Variants in SMIM13 observed in about 807,000 individuals in gnomAD.
SMIM13 encodes UPF0766 protein C6orf228.
A neutral mutation model predicts 5.9 loss-of-function variants in SMIM13; 3 were observed. The observed-to-expected ratio is 0.51, with a 90% CI of 0.23 to 1.31. SMIM13 has a LOEUF of 1.31. Ranked by LOEUF, SMIM13 falls within the 40% of genes most tolerant of loss-of-function variation. The probability of loss-of-function intolerance (pLI) is 0.18; values close to 1 mark genes in which losing one functional copy is unlikely to be tolerated. For missense variants in SMIM13, 85 were observed against 109.9 expected (o/e 0.77, Z 1.01); for synonymous variants, 55 against 46.0 (o/e 1.19, Z -0.79).
rs1050788607 is a variant in SMIM13 at position 11,135,203 on chromosome 6, C to T, written c.*601C>T. 2 of 152,608 alleles carry T rather than the reference C, an allele frequency of 1.3e-5. No homozygotes were observed. Among genetic ancestry groups the T allele is most frequent in the African/African-American group, 4.8e-5 (2 of 41,440 alleles). The allele number at this position is 152,608 out of a possible 1,614,324, so 9.5% of individuals were successfully genotyped here. A position where few individuals can be genotyped will look rare whatever the true frequency, so the allele number is the denominator to read the frequency against. Reference sequence around the variant, plus strand: ...CATGGAAACAGAGCAGCAGGGCGTACATTTGATATTAGTGAAGCAAATATT... The same window carrying T: ...CATGGAAACAGAGCAGCAGGGCGTATATTTGATATTAGTGAAGCAAATATT... On this transcript the variant is annotated 3_prime_UTR_variant, in exon 2 of 2. Coordinates refer to ENST00000416247, the MANE Select transcript of SMIM13 (RefSeq NM_001135575.2).
rs1758527689 is a variant in SMIM13 at position 11,137,257 on chromosome 6, G to C, written c.*2655G>C. On this transcript the variant is annotated 3_prime_UTR_variant, in exon 2 of 2. Transcript: ENST00000416247. Reference sequence around the variant, plus strand: ...GAAACATCACTGATGCCAATATGAAGATCTATAAACAAATCCTTTGTTTAG... The same window carrying C: ...GAAACATCACTGATGCCAATATGAACATCTATAAACAAATCCTTTGTTTAG... 1 of 152,120 alleles carries C rather than the reference G, an allele frequency of 6.6e-6. No homozygotes were observed. Among genetic ancestry groups the C allele is most frequent in the African/African-American group, 2.4e-5 (1 of 41,442 alleles). The allele number at this position is 152,120 out of a possible 1,614,324, so 9.4% of individuals were successfully genotyped here. A position where few individuals can be genotyped will look rare whatever the true frequency, so the allele number is the denominator to read the frequency against.
At chr6:11,115,036 A>G (rs779244215) in intron 1 of SMIM13, among the ~76,000 whole-genome samples, 18 of 152,168 alleles carry the variant, frequency 1.2e-4, no homozygotes, top group Non-Finnish European at 2.9e-5. Context: ...TTAATTTAGT[A>G]AACATTTAAG....
chr6:11,106,614 G>C (rs1008646523), intron 1 of SMIM13, among the ~76,000 whole-genome samples: 4 of 152,166 alleles, frequency 2.6e-5, no homozygotes, highest in African/African-American at 9.7e-5. Context: ...ACCCATGTTG[G>C]GTGGCCCAAT....
intron 1 of SMIM13, chr6:11,105,748 G>A (rs1466986265): frequency 6.0e-6 from 1 of 165,510 alleles, no homozygotes; most frequent in African/African-American, 2.4e-5. Context: ...GGGTATAGAG[G>A]TGGGGATTTT....
In SMIM13 at chr6:11,094,801, G is replaced by A. The variant is rs11962680; in HGVS notation, c.76+412G>A. 7.3e-3 allele frequency among the ~76,000 whole-genome samples: 1,109 copies of A among 152,290 alleles called. 15 individuals are homozygous for A. The highest frequency in any genetic ancestry group is 0.025 in the African/African-American group (1,058 of 41,556). On this transcript the variant is annotated intron_variant, in intron 1 of 1. Transcript: ENST00000416247. Reference sequence around the variant, plus strand: ...TGTCACCTTCGTTTCATCAGCGAGTGGGGTAGAGTTGGGTTTTCAGCACGC... The same window carrying A: ...TGTCACCTTCGTTTCATCAGCGAGTAGGGTAGAGTTGGGTTTTCAGCACGC...
rs781024696 is a variant in SMIM13, at chr6:11,138,158, T to TA, written c.*3559dup. 1 of 152,212 alleles carries TA rather than the reference T, an allele frequency of 6.6e-6. No homozygotes were observed. The highest frequency in any genetic ancestry group is 1.5e-5 in the Non-Finnish European group (1 of 68,028). The allele number at this position is 152,212 out of a possible 1,614,324, so 9.4% of individuals were successfully genotyped here. On this transcript the variant is annotated 3_prime_UTR_variant, in exon 2 of 2. Transcript: ENST00000416247. ...ATAACTAGATTTTGACTGGTAAACT[T>TA]AAAGTGCTTTTTATATTTGAGGTTG...
Position 11,097,975 on chromosome 6 carries a change from A to G in SMIM13, c.76+3586A>G, listed in dbSNP as rs369972789. 2.0e-4 allele frequency among the ~76,000 whole-genome samples: 30 copies of G among 152,056 alleles called. 1 individual carries two copies. The East Asian group carries it at 5.4e-3, about 27-fold the overall frequency. ...CCCCCCACCCAATTTCTGAGATTTC[A>G]TGGACTCCTCTTCCTTGAATACAAA... On this transcript the variant is annotated intron_variant, in intron 1 of 1. Transcript: ENST00000416247.
chr6:11,130,206 T>C (rs1758433987), intron 1 of SMIM13, among the ~76,000 whole-genome samples: 1 of 151,464 alleles, frequency 6.6e-6, no homozygotes, highest in Admixed American at 6.6e-5. Flanking sequence ...AAACTACAAT[T>C]TATCTCTTTC....
intron 1 of SMIM13, among the ~76,000 whole-genome samples, chr6:11,119,393 G>A (rs1307470630): frequency 1.3e-5 from 2 of 152,110 alleles, no homozygotes; most frequent in Non-Finnish European, 2.9e-5. Flanking sequence ...GGTGGCTCAC[G>A]CCTGTAATCC....
intron 1 of SMIM13, among the ~76,000 whole-genome samples, chr6:11,102,228 G>A (rs1444872323): frequency 2.6e-5 from 4 of 152,106 alleles, no homozygotes; most frequent in African/African-American, 9.7e-5. Context: ...AACCCTGTGA[G>A]GATGGCTTCA....
chr6:11,123,518 A>G (rs939698319), intron 1 of SMIM13, among the ~76,000 whole-genome samples: 2 of 152,202 alleles, frequency 1.3e-5, no homozygotes, highest in Non-Finnish European at 2.9e-5. Flanking sequence ...CCATAGATGA[A>G]TAGATTTTGA....
In SMIM13 at chr6:11,099,384, A is replaced by G. The variant is rs188229967; in HGVS notation, c.76+4995A>G. Among the ~76,000 whole-genome samples, 25 of 152,244 alleles carry G rather than the reference A, an allele frequency of 1.6e-4. No individual in the cohort carries two copies. In the East Asian group the frequency reaches 2.5e-3, roughly 15 times the overall value. On this transcript the variant is annotated intron_variant, in intron 1 of 1. Transcript: ENST00000416247. ...GCGATGGGGTTTCACCATGTTGGCC[A>G]GGATGGTCTCAATCTCCTGACCTCG...
intron 1 of SMIM13, 122 bp downstream of exon 1, chr6:11,094,511 A>C: frequency 3.9e-6 from 3 of 770,342 alleles, no homozygotes; most frequent in Non-Finnish European, 6.1e-6. Flanking sequence ...TTGTCTTAAA[A>C]TCAACTGTTG....
At chr6:11,112,496 G>T (rs887559134) in intron 1 of SMIM13, among the ~76,000 whole-genome samples, 3 of 152,014 alleles carry the variant, frequency 2.0e-5, no homozygotes, top group African/African-American at 7.3e-5. Context: ...CAAGTGATCT[G>T]CTGTCCTTGG....
At chr6:11,127,490 T>C (rs2113666379) in intron 1 of SMIM13, among the ~76,000 whole-genome samples, 1 of 152,298 alleles carries the variant, frequency 6.6e-6, no homozygotes, top group Non-Finnish European at 1.5e-5. Context: ...GATAAAGACA[T>C]ACCTGAGACT....
rs1352660253 is a variant in SMIM13, at chr6:11,138,650, G to A, written c.*4048G>A. 1 of 152,066 alleles carries A rather than the reference G, an allele frequency of 6.6e-6. No homozygotes were observed. Among genetic ancestry groups the A allele is most frequent in the African/African-American group, 2.4e-5 (1 of 41,408 alleles). 9.4% of individuals were successfully genotyped at this position (152,066 alleles called of 1,614,324 possible). On this transcript the variant is annotated 3_prime_UTR_variant, in exon 2 of 2. Transcript: ENST00000416247. ...CATTCACTGTTTTTGTTTTAAAACTGGTCAGTACTATGAAGCTTCTGTGGT... is the reference window on the plus strand; with the variant it reads ...CATTCACTGTTTTTGTTTTAAAACTAGTCAGTACTATGAAGCTTCTGTGGT...
rs1040065367 is a variant in SMIM13 at position 11,094,210 on chromosome 6, C to G, written c.-104C>G. 2.3e-6 allele frequency: 1 copy of G among 439,908 alleles called. No individual in the cohort carries two copies. The highest frequency in any genetic ancestry group is 2.2e-5 in the African/African-American group (1 of 46,510). The allele number at this position is 439,908 out of a possible 1,614,324, so 27.3% of individuals were successfully genotyped here. The stretch of plus-strand genomic sequence containing the variant: ...CAGCCGCCCATGCCGCCCCGGCGCC[C>G]AGCCGCGCCTGGCGCCCGCCGCTGA... On this transcript the variant is annotated 5_prime_UTR_variant, in exon 1 of 2. Coordinates refer to ENST00000416247, the MANE Select transcript of SMIM13 (RefSeq NM_001135575.2).
intron 1 of SMIM13, chr6:11,103,727 G>A: frequency 1.9e-6 from 3 of 1,551,578 alleles, no homozygotes; most frequent in Non-Finnish European, 2.6e-6. Flanking sequence ...TGCGAGGATG[G>A]CGTCCTGCAC....
intron 1 of SMIM13, among the ~76,000 whole-genome samples, chr6:11,098,569 T>C (rs1757953256): frequency 6.6e-6 from 1 of 152,176 alleles, no homozygotes; most frequent in South Asian, 2.1e-4. Flanking sequence ...GTAGCTGAGA[T>C]TACAGGTGTC....
Sources: gnomAD v4.1 joint callset for allele counts (sites outside exome capture counted in the v4.1 genomes callset) on GRCh38, gnomAD v4.1.1 for gene constraint, MANE v1.5 for transcripts, NCBI Gene and HGNC (gene_info 2026-07-23, HGNC 2026-07-21) for gene names.